Variants in ATP11A observed in about 807,000 individuals in gnomAD.
ATP11A encodes the protein ATPase phospholipid transporting 11A, also known as phospholipid-transporting ATPase IH.
ATP11A carries 81 observed loss-of-function variants against 154.4 expected under a neutral mutation model. That is an observed-to-expected ratio of 0.52 (90% CI 0.44 to 0.63). The LOEUF is 0.63. Among genes scored for constraint, ATP11A ranks in the 30% least tolerant of loss-of-function variants. ATP11A has a pLI of 0.00. For synonymous variants in ATP11A, 623 were observed against 585.9 expected, an observed-to-expected ratio of 1.06 and a Z score of -0.91; for missense variants, 1,316 against 1,474.3, an observed-to-expected ratio of 0.89 and a Z score of 1.76.
rs76753307 is a variant in ATP11A, at chr13:112,721,608, A to G, written c.39+31153A>G. Reference sequence around the variant, plus strand: ...ACGAGGAACGTGGAAGCCAGGAGTGAGGAAGTGGGAGGGTCCCACAAGACA... The same window carrying G: ...ACGAGGAACGTGGAAGCCAGGAGTGGGGAAGTGGGAGGGTCCCACAAGACA... On this transcript the variant is annotated intron_variant, in intron 1 of 29. Coordinates refer to ENST00000375645, the MANE Select transcript of ATP11A (RefSeq NM_015205.3). Among the ~76,000 whole-genome samples, 699 of 152,236 alleles carry G rather than the reference A, an allele frequency of 4.6e-3. 4 individuals are homozygous for G. The highest frequency in any genetic ancestry group is 0.017 in the East Asian group (88 of 5,166).
intron 1 of ATP11A, among the ~76,000 whole-genome samples, chr13:112,730,612 G>A (rs1430306463): frequency 6.6e-6 from 1 of 152,260 alleles, no homozygotes; most frequent in Admixed American, 6.5e-5. Flanking sequence ...TGGGGCTCCC[G>A]TGCGGAGTCT....
chr13:112,846,183 C>T (rs116134347), intron 17 of ATP11A, among the ~76,000 whole-genome samples: 121 of 152,250 alleles, frequency 7.9e-4, no homozygotes, highest in African/African-American at 2.7e-3. Context: ...TTGAGCATCT[C>T]GGATCTGCGG....
chr13:112,806,298 G>T lies in ATP11A; in HGVS notation c.333+5G>T, dbSNP rs766803161. The T allele has an allele frequency of 6.2e-7, 1 of 1,606,878 alleles. No homozygotes were observed. Among genetic ancestry groups the T allele is most frequent in the Non-Finnish European group, 8.5e-7 (1 of 1,175,144 alleles). Reference sequence around the variant, plus strand: ...ACTGTGACGGCTATCAAACAGGTAAGCATTTTACAGACGAAAAAGAAGCAA... The same window carrying T: ...ACTGTGACGGCTATCAAACAGGTAATCATTTTACAGACGAAAAAGAAGCAA... On this transcript the variant is annotated splice_donor_5th_base_variant and intron_variant, in intron 4 of 29. Transcript: ENST00000375645.
intron 16 of ATP11A, 103 bp from the exon 17 acceptor site, chr13:112,842,173 A>G (rs2140292397): frequency 2.2e-6 from 2 of 896,814 alleles, no homozygotes; most frequent in African/African-American, 3.4e-5. Context: ...AGCTTTCCAC[A>G]CTGCTATCCC....
chr13:112,867,399 T>C (rs556020797), intron 25 of ATP11A, among the ~76,000 whole-genome samples: 2 of 152,284 alleles, frequency 1.3e-5, no homozygotes, highest in Admixed American at 1.3e-4. Flanking sequence ...AATGTGAACG[T>C]GCCTCCCAAG....
intron 2 of ATP11A, among the ~76,000 whole-genome samples, chr13:112,793,535 C>T (rs542786406): frequency 1.3e-5 from 2 of 152,166 alleles, no homozygotes; most frequent in African/African-American, 4.8e-5. Context: ...CCTCTGGGTG[C>T]TCACGAATTT....
intron 1 of ATP11A, among the ~76,000 whole-genome samples, chr13:112,762,882 G>A (rs1376793165): frequency 2.6e-5 from 4 of 152,248 alleles, no homozygotes; most frequent in Admixed American, 6.5e-5. Flanking sequence ...GGCCTTCCTC[G>A]CCGTGCGCGG....
In ATP11A at chr13:112,886,412, AT is replaced by A. The variant is rs2080981761; in HGVS notation, c.*4548del. On this transcript the variant is annotated 3_prime_UTR_variant, in exon 30 of 30. Coordinates refer to ENST00000375645, the MANE Select transcript of ATP11A (RefSeq NM_015205.3). ...ACAACCACTCTTATTTAATGTTAGT[AT>A]TATTTATTTGACAACTCAGTGTCTA... is the stretch of plus-strand genomic sequence containing the variant. 6.6e-6 allele frequency: 1 copy of A among 152,226 alleles called. No homozygotes were observed. Among genetic ancestry groups the A allele is most frequent in the Non-Finnish European group, 1.5e-5 (1 of 68,038 alleles). The allele number at this position is 152,226 out of a possible 1,614,324, so 9.4% of individuals were successfully genotyped here. A position where few individuals can be genotyped will look rare whatever the true frequency, so the allele number is the denominator to read the frequency against.
chr13:112,769,731 C>G (rs1241745350), intron 1 of ATP11A, among the ~76,000 whole-genome samples: 1 of 152,152 alleles, frequency 6.6e-6, no homozygotes. Flanking sequence ...GAGGGGTGGG[C>G]GAGCCTGCCC....
chr13:112,812,509 C>T (rs982954831), intron 5 of ATP11A, among the ~76,000 whole-genome samples: 2 of 152,146 alleles, frequency 1.3e-5, no homozygotes, highest in Non-Finnish European at 2.9e-5. Flanking sequence ...GGGAGGGCCT[C>T]CAAGCAGCCC....
At chr13:112,781,970 C>T (rs1027089512) in intron 1 of ATP11A, among the ~76,000 whole-genome samples, 2 of 152,144 alleles carry the variant, frequency 1.3e-5, no homozygotes, top group Non-Finnish European at 2.9e-5. Flanking sequence ...GTCTGTTATG[C>T]TGACGAGGCC....
In ATP11A at chr13:112,859,029, C is replaced by T. The variant is rs183130832; in HGVS notation, c.2668-364C>T. 1.1e-3 allele frequency: 308 copies of T among 285,154 alleles called. 1 individual carries two copies. Among genetic ancestry groups the T allele is most frequent in the South Asian group, 7.5e-3 (216 of 28,970 alleles). 17.7% of individuals were successfully genotyped at this position (285,154 alleles called of 1,614,324 possible). On this transcript the variant is annotated intron_variant, in intron 22 of 29. Coordinates refer to ENST00000375645, the MANE Select transcript of ATP11A (RefSeq NM_015205.3). The surrounding 1 kb of genome is among the most constrained non-coding windows in gnomAD (Gnocchi z 4.3). ...GAGACCCCCAGCCCTTTTCTCCCCC[C>T]ACAGAATTGAGTGTGGAACCAGTGA...
intron 1 of ATP11A, among the ~76,000 whole-genome samples, chr13:112,700,569 C>T (rs1229900339): frequency 1.3e-5 from 2 of 152,228 alleles, no homozygotes; most frequent in Non-Finnish European, 2.9e-5. Context: ...CTGACTCTGA[C>T]CTTGTTCTCC....
chr13:112,868,169 G>A (rs1408989741), intron 25 of ATP11A, among the ~76,000 whole-genome samples: 2 of 152,238 alleles, frequency 1.3e-5, no homozygotes, highest in African/African-American at 4.8e-5. Flanking sequence ...TTAAAAGCTC[G>A]GAACGTGCTT....
At chr13:112,837,022 A>G (rs1212572348) in intron 16 of ATP11A, among the ~76,000 whole-genome samples, 1 of 152,232 alleles carries the variant, frequency 6.6e-6, no homozygotes, top group African/African-American at 2.4e-5. Context: ...GTCACGACAC[A>G]TGCCACAGGT....
chr13:112,755,155 T>C (rs1031545071), intron 1 of ATP11A, among the ~76,000 whole-genome samples: 1 of 152,248 alleles, frequency 6.6e-6, no homozygotes, highest in Non-Finnish European at 1.5e-5. Context: ...ACTTTTCTTT[T>C]GATTTTTTTC....
At chr13:112,693,215 G>T (rs962019583) in intron 1 of ATP11A, among the ~76,000 whole-genome samples, 1 of 152,162 alleles carries the variant, frequency 6.6e-6, no homozygotes, top group African/African-American at 2.4e-5. Flanking sequence ...TGGATGGACC[G>T]GAGCCATGCA....
At chr13:112,841,907 T>C (rs7335174) in intron 16 of ATP11A, among the ~76,000 whole-genome samples, 51,673 of 152,148 alleles carry the variant, frequency 0.34, 9,526 homozygotes, top group African/African-American at 0.48. Flanking sequence ...CCGAAGGGGA[T>C]TTGTGTTCAC....
At chr13:112,724,064 G>A (rs887843940) in intron 1 of ATP11A, among the ~76,000 whole-genome samples, 8 of 149,648 alleles carry the variant, frequency 5.3e-5, no homozygotes, top group Admixed American at 4.0e-4. Flanking sequence ...TCTCACCAGC[G>A]CCCACTGCCT....
Sources: gnomAD v4.1 joint callset for allele counts (sites outside exome capture counted in the v4.1 genomes callset) on GRCh38, gnomAD v4.1.1 for gene constraint, Gnocchi (gnomAD v3.1) non-coding constraint, MANE v1.5 for transcripts, NCBI Gene and HGNC (gene_info 2026-07-23, HGNC 2026-07-21) for gene names.